PIP5K1B: variants seen among roughly 807,000 people sequenced by gnomAD.
PIP5K1B encodes the protein phosphatidylinositol 4-phosphate 5-kinase type-1 beta.
Under a neutral mutation model 67.0 loss-of-function variants are expected in PIP5K1B, and 42 were observed. The ratio of observed to expected loss-of-function variants is 0.63; its 90% confidence interval spans 0.49 to 0.81. The LOEUF is 0.81. PIP5K1B is among the 30% of genes least tolerant of loss of function. The probability of loss-of-function intolerance (pLI) is 0.00; values close to 1 mark genes in which losing one functional copy is unlikely to be tolerated. For missense variants in PIP5K1B, 459 were observed against 646.3 expected (o/e 0.71, Z 3.14); for synonymous variants, 214 against 231.4 (o/e 0.92, Z 0.68).
intron 1 of PIP5K1B, among the ~76,000 whole-genome samples, chr9:68,738,317 G>A (rs557597693): frequency 1.3e-5 from 2 of 152,262 alleles, no homozygotes; most frequent in African/African-American, 4.8e-5. Flanking sequence ...TTTATTTTTG[G>A]CCGTCTTGAA....
chr9:68,765,657 T>C (rs751377541), intron 2 of PIP5K1B, among the ~76,000 whole-genome samples: 3 of 152,194 alleles, frequency 2.0e-5, no homozygotes, highest in Non-Finnish European at 4.4e-5. Context: ...GAGAAAGTGA[T>C]TTGCCATTTA....
At chr9:68,825,555 C>T (rs1281355879) in intron 4 of PIP5K1B, among the ~76,000 whole-genome samples, 1 of 152,214 alleles carries the variant, frequency 6.6e-6, no homozygotes, top group Non-Finnish European at 1.5e-5. Flanking sequence ...CCTTAAATTT[C>T]TTTCCCAGTC....
intron 4 of PIP5K1B, among the ~76,000 whole-genome samples, chr9:68,859,896 T>G (rs1429081989): frequency 1.3e-5 from 2 of 152,194 alleles, no homozygotes; most frequent in African/African-American, 4.8e-5. Context: ...CAAGATGCTT[T>G]TTTTCTATTT....
At chr9:68,731,182 T>C (rs1393572737) in intron 1 of PIP5K1B, among the ~76,000 whole-genome samples, 2 of 152,264 alleles carry the variant, frequency 1.3e-5, no homozygotes, top group Non-Finnish European at 2.9e-5. Context: ...GCTTGATGTC[T>C]AAAGCTTGCC....
At chr9:68,937,287 A>C (rs1645137576) in intron 13 of PIP5K1B, among the ~76,000 whole-genome samples, 1 of 152,072 alleles carries the variant, frequency 6.6e-6, no homozygotes, top group Admixed American at 6.5e-5. Context: ...TCAATTTCAG[A>C]ACTTGTTGTT....
intron 4 of PIP5K1B, among the ~76,000 whole-genome samples, chr9:68,825,677 C>G (rs1225301944): frequency 6.6e-6 from 1 of 152,122 alleles, no homozygotes; most frequent in Non-Finnish European, 1.5e-5. Context: ...GGCCCCTGGT[C>G]CTTTATGCTA....
chr9:68,724,457 A>G (rs546579020), intron 1 of PIP5K1B, among the ~76,000 whole-genome samples: 4 of 152,224 alleles, frequency 2.6e-5, no homozygotes, highest in South Asian at 4.1e-4. Context: ...TAGAGATTGC[A>G]TTGAATCTAC....
chr9:68,832,980 G>A (rs1219943241), intron 4 of PIP5K1B, among the ~76,000 whole-genome samples: 1 of 152,190 alleles, frequency 6.6e-6, no homozygotes, highest in African/African-American at 2.4e-5. Flanking sequence ...TGCCTAGAAT[G>A]TATGACATAC....
At chr9:68,787,648 T>TC (rs374425158) in intron 2 of PIP5K1B, among the ~76,000 whole-genome samples, 4 of 152,202 alleles carry the variant, frequency 2.6e-5, no homozygotes, top group African/African-American at 9.6e-5. Flanking sequence ...TCTTTTTTTT[T>TC]CAGAGACAGA....
At chr9:68,888,871 G>C in intron 6 of PIP5K1B, 110 bp from the exon 7 acceptor site, 1 of 709,250 alleles carries the variant, frequency 1.4e-6, no homozygotes, top group Non-Finnish European at 2.4e-6. Flanking sequence ...AGCCCGTAGA[G>C]AGGCTTCTTG....
chr9:68,721,590 A>G (rs1336018526), intron 1 of PIP5K1B, among the ~76,000 whole-genome samples: 1 of 152,194 alleles, frequency 6.6e-6, no homozygotes, highest in African/African-American at 2.4e-5. Flanking sequence ...CCTGGGGGCT[A>G]TCCAGGTAGG....
At chr9:68,779,530 T>C (rs1358971424) in intron 2 of PIP5K1B, among the ~76,000 whole-genome samples, 1 of 152,130 alleles carries the variant, frequency 6.6e-6, no homozygotes, top group African/African-American at 2.4e-5. Context: ...TGAAAACCCT[T>C]TAAGTTTTCA....
intron 14 of PIP5K1B, among the ~76,000 whole-genome samples, chr9:68,943,438 A>G (rs899665810): frequency 6.6e-5 from 10 of 152,116 alleles, no homozygotes; most frequent in African/African-American, 2.4e-4. Context: ...CAATATCCCT[A>G]TTTCCCTGAC....
At chr9:68,892,943 C>T (rs1378376318) in intron 7 of PIP5K1B, among the ~76,000 whole-genome samples, 1 of 152,006 alleles carries the variant, frequency 6.6e-6, no homozygotes, top group Non-Finnish European at 1.5e-5. Context: ...TGTGGCGGCA[C>T]ACACCTGTAG....
At chr9:68,916,263 A>C (rs1826087254) in intron 8 of PIP5K1B, among the ~76,000 whole-genome samples, 1 of 152,134 alleles carries the variant, frequency 6.6e-6, no homozygotes, top group African/African-American at 2.4e-5. Flanking sequence ...GTAGAAAAAG[A>C]ACTTTATCAT....
intron 8 of PIP5K1B, among the ~76,000 whole-genome samples, chr9:68,899,460 G>T (rs1392065562): frequency 8.7e-5 from 1 of 11,502 alleles, no homozygotes; most frequent in East Asian, 0.028. Context: ...GCTGTCTAAT[G>T]ATTTAAAAAA....
At chr9:68,997,312 G>A (rs1025877094) in intron 15 of PIP5K1B, among the ~76,000 whole-genome samples, 4 of 152,192 alleles carry the variant, frequency 2.6e-5, no homozygotes, top group Non-Finnish European at 4.4e-5. Context: ...ATCCCTCAGC[G>A]TTGAGGTTAA....
At chr9:68,830,258 C>A (rs1355160925) in intron 4 of PIP5K1B, among the ~76,000 whole-genome samples, 2 of 152,100 alleles carry the variant, frequency 1.3e-5, no homozygotes, top group African/African-American at 4.8e-5. Flanking sequence ...GTAATCATAT[C>A]ACGTTACCAT....
At chr9:68,971,712 T>C (rs1181465725) in intron 14 of PIP5K1B, among the ~76,000 whole-genome samples, 1 of 152,256 alleles carries the variant, frequency 6.6e-6, no homozygotes, top group African/African-American at 2.4e-5. Context: ...TGGTATCTCA[T>C]TGTGGTTTTG....
Sources: gnomAD v4.1 joint callset for allele counts (sites outside exome capture counted in the v4.1 genomes callset) on GRCh38, gnomAD v4.1.1 for gene constraint, MANE v1.5 for transcripts, NCBI Gene and HGNC (gene_info 2026-07-23, HGNC 2026-07-21) for gene names.